The following CHL1 variants were observed in gnomAD, a reference collection of about 807,000 sequenced individuals.
The protein encoded by CHL1 is neural cell adhesion molecule L1-like protein.
In CHL1, 96 loss-of-function variants were observed where a neutral mutation model predicts 141.9. That is an observed-to-expected ratio of 0.68 (90% CI 0.57 to 0.80). The LOEUF (loss-of-function observed/expected upper bound fraction) is 0.80, where lower values mean the gene tolerates loss of function less well. Among genes scored for constraint, CHL1 ranks in the 30% least tolerant of loss-of-function variants. The pLI is 0.00. For synonymous variants in CHL1, 613 were observed against 502.2 expected (o/e 1.22, Z -2.95); for missense variants, 1,820 against 1,457.2 (o/e 1.25, Z -4.05).
chr3:198,441 C>T (rs1169976240), intron 1 of CHL1, among the ~76,000 whole-genome samples: 3 of 152,166 alleles, frequency 2.0e-5, no homozygotes, highest in African/African-American at 7.2e-5. Context: ...TCGCTCTAGG[C>T]GGAGGCTCCC....
chr3:245,137 C>G (rs1021868296), intron 2 of CHL1, among the ~76,000 whole-genome samples: 1 of 152,148 alleles, frequency 6.6e-6, no homozygotes, highest in Non-Finnish European at 1.5e-5. Context: ...GAACGACTTA[C>G]AGCTTCAGTC....
intron 15 of CHL1, among the ~76,000 whole-genome samples, chr3:366,764 A>G (rs1051682797): frequency 1.3e-5 from 2 of 151,180 alleles, no homozygotes; most frequent in African/African-American, 4.9e-5. Context: ...ATCACAAAGC[A>G]CTGCAGCTGC....
intron 14 of CHL1, 166 bp downstream of exon 14, chr3:363,549 A>G (rs1704501864): frequency 1.6e-6 from 1 of 614,730 alleles, no homozygotes; most frequent in Admixed American, 3.1e-5. Flanking sequence ...TATTGCAAGA[A>G]CTACAGGGTA....
chr3:406,438 GA>G lies in CHL1; in HGVS notation c.*729del, dbSNP rs1709538316. ...TTCTTGGACTAAATTCAACTGCATG[GA>G]AGCGGTGGTCAGAAGGTTGTTTTAT... is the stretch of plus-strand genomic sequence containing the variant. On this transcript the variant is annotated 3_prime_UTR_variant, in exon 28 of 28. Coordinates refer to ENST00000256509, the MANE Select transcript of CHL1 (RefSeq NM_006614.4). The G allele has an allele frequency of 6.6e-6, 1 of 150,926 alleles. No homozygotes were observed. The highest frequency in any genetic ancestry group is 2.1e-4 in the South Asian group (1 of 4,792). The allele number at this position is 150,926 out of a possible 1,614,324, so 9.3% of individuals were successfully genotyped here.
At chr3:383,951 T>G in intron 19 of CHL1, 65 bp downstream of exon 19, 3 of 1,052,664 alleles carry the variant, frequency 2.8e-6, no homozygotes, top group African/African-American at 1.6e-5. Context: ...GTCTGCATGC[T>G]AACTACAATG....
At chr3:326,686 A>G (rs1701039731) in intron 4 of CHL1, among the ~76,000 whole-genome samples, 1 of 151,864 alleles carries the variant, frequency 6.6e-6, no homozygotes, top group Non-Finnish European at 1.5e-5. Flanking sequence ...ATGTGGATGT[A>G]TTGGAAGTGA....
At chr3:234,196 T>C (rs886415828) in intron 1 of CHL1, among the ~76,000 whole-genome samples, 14 of 120,184 alleles carry the variant, frequency 1.2e-4, no homozygotes, top group African/African-American at 4.2e-4. Context: ...TGTGTGTGTA[T>C]ATATATATAT....
chr3:282,487 T>C (rs1696759330), intron 2 of CHL1, among the ~76,000 whole-genome samples: 1 of 152,224 alleles, frequency 6.6e-6, no homozygotes. Context: ...TCTTTCATTT[T>C]AGCTTGAAGG....
chr3:394,390 T>G (rs1708493240), intron 23 of CHL1, among the ~76,000 whole-genome samples: 1 of 152,134 alleles, frequency 6.6e-6, no homozygotes, highest in Non-Finnish European at 1.5e-5. Context: ...CTGGCTCCAA[T>G]ATAGCACAGG....
intron 2 of CHL1, among the ~76,000 whole-genome samples, chr3:274,755 C>G (rs981101886): frequency 2.0e-5 from 3 of 152,198 alleles, no homozygotes; most frequent in Non-Finnish European, 1.5e-5. Context: ...TTGTGAAATA[C>G]AGGTGTATCT....
chr3:387,434 T>C (rs1449248348), intron 19 of CHL1, among the ~76,000 whole-genome samples: 1 of 152,196 alleles, frequency 6.6e-6, no homozygotes, highest in African/African-American at 2.4e-5. Context: ...GGCATTGCCT[T>C]CAAGTCAAAT....
At chr3:382,772 A>G in intron 18 of CHL1, 101 bp downstream of exon 18, 3 of 1,011,732 alleles carry the variant, frequency 3.0e-6, no homozygotes, top group Non-Finnish European at 4.5e-6. Context: ...AGGATTTTAG[A>G]TTTCTCCAAA....
chr3:359,260 C>A (rs947702846), intron 11 of CHL1, among the ~76,000 whole-genome samples: 1 of 151,814 alleles, frequency 6.6e-6, no homozygotes, highest in Non-Finnish European at 1.5e-5. Context: ...GTTTTTGGTC[C>A]TTAAATGCAT....
intron 2 of CHL1, among the ~76,000 whole-genome samples, chr3:292,096 C>T (rs377339080): frequency 1.3e-5 from 2 of 152,198 alleles, no homozygotes; most frequent in East Asian, 3.8e-4. Context: ...TTCTTTGCTG[C>T]TCTGTACAAG....
chr3:362,491 A>G (rs1704366507), intron 13 of CHL1, among the ~76,000 whole-genome samples: 1 of 152,134 alleles, frequency 6.6e-6, no homozygotes, highest in Non-Finnish European at 1.5e-5. Context: ...ACTAGATTGA[A>G]ATATTATTTA....
At position 366,127 on chromosome 3, in the gene CHL1, A is replaced by G. The variant is rs202236990; in HGVS notation, c.1751+12A>G. The stretch of plus-strand genomic sequence containing the variant: ...ACAGAAGATGGCAGGTAGGTAAACT[A>G]TTATGATATGTCATAATATTTGCTT... On this transcript the variant is annotated intron_variant, in intron 15 of 27. Coordinates refer to ENST00000256509, the MANE Select transcript of CHL1 (RefSeq NM_006614.4). 9 of 1,610,160 alleles carry G rather than the reference A, an allele frequency of 5.6e-6. No individual in the cohort carries two copies. Among genetic ancestry groups the G allele is most frequent in the East Asian group, 2.2e-5 (1 of 44,832 alleles).
intron 2 of CHL1, among the ~76,000 whole-genome samples, chr3:268,783 A>T: frequency 6.6e-6 from 1 of 152,286 alleles, no homozygotes; most frequent in African/African-American, 2.4e-5. Flanking sequence ...GGAATTATTT[A>T]GATTTGAGTT....
chr3:242,410 C>G (rs185960893), intron 1 of CHL1, among the ~76,000 whole-genome samples: 14 of 139,666 alleles, frequency 1.0e-4, no homozygotes, highest in South Asian at 5.0e-4. Flanking sequence ...TCCTGGCTAA[C>G]ACGGTGAAAC....
intron 1 of CHL1, among the ~76,000 whole-genome samples, chr3:228,536 A>T (rs561233619): frequency 6.6e-6 from 1 of 152,170 alleles, no homozygotes. Context: ...GACTACACTT[A>T]GGTTACTTTC....
Sources: allele counts gnomAD v4.1 joint callset (sites outside exome capture counted in the v4.1 genomes callset), GRCh38; gene constraint gnomAD v4.1.1; transcripts MANE v1.5; gene names NCBI Gene and HGNC (gene_info 2026-07-23, HGNC 2026-07-21).